The following ULK4 variants were observed in gnomAD, a reference collection of about 807,000 sequenced individuals.
ULK4 encodes unc-51 like kinase 4.
ULK4 carries 133 observed loss-of-function variants against 160.6 expected under a neutral mutation model. That is an observed-to-expected ratio of 0.83 (90% CI 0.72 to 0.96). The LOEUF (loss-of-function observed/expected upper bound fraction) is 0.96, where lower values mean the gene tolerates loss of function less well. Among genes scored for constraint, ULK4 ranks in the 40% least tolerant of loss-of-function variants. The pLI is 0.00. For missense variants in ULK4, 1,580 were observed against 1,499.5 expected (o/e 1.05, Z -0.89); for synonymous variants, 534 against 539.8 (o/e 0.99, Z 0.15).
rs1161489905 is a variant in ULK4 at position 41,494,289 on chromosome 3, C to A, written c.3227-31036G>T. Among the ~76,000 whole-genome samples the A allele has an allele frequency of 3.7e-4, 39 of 106,036 alleles. No individual in the cohort carries two copies. The South Asian group carries it at 0.012, about 33-fold the overall frequency. 69.6% of individuals were successfully genotyped at this position (106,036 alleles called of 152,430 possible). ...GCTGGTTCAATATACACAAATCAAT[C>A]AATGTAATCCAGCATATAAACAGAA... is the stretch of plus-strand genomic sequence containing the variant. On this transcript the variant is annotated intron_variant, in intron 32 of 36. Transcript: ENST00000301831.
chr3:41,764,916 G>A (rs1434547480), intron 21 of ULK4, among the ~76,000 whole-genome samples: 2 of 152,222 alleles, frequency 1.3e-5, no homozygotes, highest in Non-Finnish European at 2.9e-5. Context: ...TGCAGGTGCT[G>A]GAGAGGATGT....
At chr3:41,644,840 G>T (rs1343459756) in intron 30 of ULK4, among the ~76,000 whole-genome samples, 2 of 151,962 alleles carry the variant, frequency 1.3e-5, no homozygotes, top group Non-Finnish European at 2.9e-5. Flanking sequence ...TTTTTGGTTG[G>T]TAAGCTATTG....
intron 22 of ULK4, among the ~76,000 whole-genome samples, chr3:41,731,369 G>C (rs1488640702): frequency 1.3e-5 from 2 of 151,746 alleles, no homozygotes; most frequent in African/African-American, 4.8e-5. Flanking sequence ...AAAAAATCAA[G>C]AAAGCAATAC....
At chr3:41,587,655 C>T (rs2030926700) in intron 31 of ULK4, among the ~76,000 whole-genome samples, 1 of 152,126 alleles carries the variant, frequency 6.6e-6, no homozygotes, top group African/African-American at 2.4e-5. Context: ...GATAAAGTCA[C>T]ATGAAGGCAA....
rs561116109 is a variant in ULK4 at position 41,298,306 on chromosome 3, G to A, written c.3679-48732C>T. Among the ~76,000 whole-genome samples, 69 of 152,240 alleles carry A rather than the reference G, an allele frequency of 4.5e-4. 1 individual carries two copies. Among genetic ancestry groups the A allele is most frequent in the African/African-American group, 1.6e-3 (68 of 41,528 alleles). On this transcript the variant is annotated intron_variant, in intron 35 of 36. Transcript: ENST00000301831. ...GAGATAACATTGGGATTCAAAAGAC[G>A]AACACATTAGCTTTTCCTAAGAGTT...
intron 22 of ULK4, among the ~76,000 whole-genome samples, chr3:41,743,641 G>A (rs1430554862): frequency 6.6e-6 from 1 of 151,946 alleles, no homozygotes; most frequent in Non-Finnish European, 1.5e-5. Flanking sequence ...ACTGCTCAAT[G>A]CATGCAGAGA....
intron 22 of ULK4, among the ~76,000 whole-genome samples, chr3:41,752,275 C>T (rs1159440819): frequency 6.6e-6 from 1 of 151,994 alleles, no homozygotes; most frequent in Non-Finnish European, 1.5e-5. Flanking sequence ...TTAGTTGTTC[C>T]AGTGAAAAAT....
chr3:41,388,527 A>C (rs1253287978), intron 35 of ULK4, among the ~76,000 whole-genome samples: 1 of 152,104 alleles, frequency 6.6e-6, no homozygotes, highest in Non-Finnish European at 1.5e-5. Flanking sequence ...GTAAGTCTTT[A>C]ATCCATCTTG....
chr3:41,696,211 T>C (rs1374685956), intron 27 of ULK4, among the ~76,000 whole-genome samples: 1 of 152,158 alleles, frequency 6.6e-6, no homozygotes, highest in African/African-American at 2.4e-5. Flanking sequence ...GGCCTAACCA[T>C]CTCCCTGTGG....
At chr3:41,679,119 T>G (rs2035835133) in intron 29 of ULK4, among the ~76,000 whole-genome samples, 1 of 152,326 alleles carries the variant, frequency 6.6e-6, no homozygotes, top group African/African-American at 2.4e-5. Context: ...CATTATACAT[T>G]TTAATGGCCA....
chr3:41,554,723 A>G (rs891821124), intron 32 of ULK4, among the ~76,000 whole-genome samples: 1 of 152,182 alleles, frequency 6.6e-6, no homozygotes, highest in Admixed American at 6.5e-5. Context: ...AAATGTTCCC[A>G]ACACAAAGAA....
intron 35 of ULK4, among the ~76,000 whole-genome samples, chr3:41,255,641 T>C (rs1033804824): frequency 2.7e-5 from 2 of 74,672 alleles, no homozygotes; most frequent in Non-Finnish European, 4.5e-5. Context: ...GGACATTTCA[T>C]ATTTATAAGA....
intron 4 of ULK4, among the ~76,000 whole-genome samples, chr3:41,935,565 T>C (rs1489349549): frequency 6.6e-6 from 1 of 151,460 alleles, no homozygotes; most frequent in Admixed American, 6.6e-5. Flanking sequence ...TTCATCATGT[T>C]GGCCAGGCTG....
intron 32 of ULK4, among the ~76,000 whole-genome samples, chr3:41,489,921 A>G (rs1438310661): frequency 6.6e-6 from 1 of 152,124 alleles, no homozygotes; most frequent in Non-Finnish European, 1.5e-5. Flanking sequence ...AACTTTATTT[A>G]TTTACCTGAT....
chr3:41,561,702 G>A (rs1447885952), intron 32 of ULK4, among the ~76,000 whole-genome samples: 1 of 152,106 alleles, frequency 6.6e-6, no homozygotes, highest in Non-Finnish European at 1.5e-5. Flanking sequence ...GGGATTGGTG[G>A]TGATATCCTC....
At chr3:41,378,396 A>G (rs968014850) in intron 35 of ULK4, among the ~76,000 whole-genome samples, 2 of 151,398 alleles carry the variant, frequency 1.3e-5, no homozygotes, top group African/African-American at 4.9e-5. Flanking sequence ...AAAAGAATAA[A>G]TAAATAAAAT....
chr3:41,293,183 G>T (rs1296289717), intron 35 of ULK4, among the ~76,000 whole-genome samples: 1 of 151,722 alleles, frequency 6.6e-6, no homozygotes, highest in Non-Finnish European at 1.5e-5. Flanking sequence ...GGCAAGGAAG[G>T]TTATCATTTA....
chr3:41,877,261 T>C (rs940007800), intron 17 of ULK4, among the ~76,000 whole-genome samples: 6 of 152,168 alleles, frequency 3.9e-5, no homozygotes, highest in African/African-American at 1.4e-4. Context: ...TTAGTAACAA[T>C]ACGTGTACTA....
rs1014992317 is a variant in ULK4, at chr3:41,558,966, G to C, written c.3226+7059C>G. On this transcript the variant is annotated intron_variant, in intron 32 of 36. Coordinates refer to ENST00000301831, the MANE Select transcript of ULK4 (RefSeq NM_017886.4). ...ATGTATACATGTGCCATGCTGGTGT[G>C]CTGCACCCATTAACTCATCATTTAA... Among the ~76,000 whole-genome samples the C allele has an allele frequency of 1.0e-4, 14 of 134,944 alleles. 1 individual carries two copies. In the South Asian group the frequency reaches 1.8e-3, roughly 17 times the overall value. 88.5% of individuals were successfully genotyped at this position (134,944 alleles called of 152,430 possible).
Sources: gnomAD v4.1 joint callset for allele counts (sites outside exome capture counted in the v4.1 genomes callset) on GRCh38, gnomAD v4.1.1 for gene constraint, MANE v1.5 for transcripts, NCBI Gene and HGNC (gene_info 2026-07-23, HGNC 2026-07-21) for gene names.